Variants in TTC27 observed in about 807,000 individuals in gnomAD.
The protein encoded by TTC27 is tetratricopeptide repeat domain 27.
Under a neutral mutation model 115.9 loss-of-function variants are expected in TTC27, and 79 were observed. The observed-to-expected ratio is 0.68, with a 90% CI of 0.57 to 0.82. The LOEUF (loss-of-function observed/expected upper bound fraction) is 0.82, where lower values mean the gene tolerates loss of function less well. TTC27 is among the 40% of genes least tolerant of loss of function. TTC27 has a pLI of 0.00. For synonymous variants in TTC27, 401 were observed against 356.0 expected, an observed-to-expected ratio of 1.13 and a Z score of -1.42; for missense variants, 1,054 against 993.1, an observed-to-expected ratio of 1.06 and a Z score of -0.82.
At chr2:32,812,681 G>A in intron 18 of TTC27, 66 bp downstream of exon 18, 3 of 1,228,782 alleles carry the variant, frequency 2.4e-6, no homozygotes, top group East Asian at 2.3e-5. Context: ...AGAAAAGAGT[G>A]TTGGTCAAAA....
intron 10 of TTC27, among the ~76,000 whole-genome samples, chr2:32,712,187 C>A (rs1446018815): frequency 6.6e-6 from 1 of 152,072 alleles, no homozygotes; most frequent in Admixed American, 6.6e-5. Context: ...CTAAGTGAGA[C>A]GTGCCAAACT....
In TTC27 at chr2:32,782,712, T is replaced by C. The variant is rs766211029; in HGVS notation, c.1832+34T>C. 7.1e-6 allele frequency: 11 copies of C among 1,543,434 alleles called. No individual in the cohort carries two copies. The South Asian group carries it at 1.3e-4, about 18-fold the overall frequency. On this transcript the variant is annotated intron_variant, in intron 15 of 19. Coordinates refer to ENST00000317907, the MANE Select transcript of TTC27 (RefSeq NM_017735.5). ...ATCAGACAAATATGAAGAAATTTGC[T>C]TCCCAAATAAATGAATGAGATTTTC...
At chr2:32,712,226 A>C (rs1469522127) in intron 10 of TTC27, among the ~76,000 whole-genome samples, 1 of 152,250 alleles carries the variant, frequency 6.6e-6, no homozygotes, top group Non-Finnish European at 1.5e-5. Context: ...TCACAACTAA[A>C]GGTAAATAAA....
chr2:32,690,935 G>C (rs1304851363), intron 9 of TTC27, among the ~76,000 whole-genome samples: 7 of 152,140 alleles, frequency 4.6e-5, no homozygotes. Context: ...GGCATCGTTC[G>C]ATTTGGCTTT....
intron 15 of TTC27, among the ~76,000 whole-genome samples, chr2:32,786,220 CAA>C (rs755835164): frequency 7.9e-5 from 12 of 152,166 alleles, no homozygotes; most frequent in Non-Finnish European, 1.2e-4. Flanking sequence ...TTCCCAGGTT[CAA>C]GTGATTCTTG....
intron 16 of TTC27, among the ~76,000 whole-genome samples, chr2:32,801,685 G>C (rs10170415): frequency 0.18 from 28,031 of 151,950 alleles, 2,632 homozygotes; most frequent in Admixed American, 0.25. Context: ...CATGAAGAGG[G>C]GAGTAGATCC....
At chr2:32,778,079 A>G in intron 14 of TTC27, 99 bp downstream of exon 14, 2 of 1,137,658 alleles carry the variant, frequency 1.8e-6, no homozygotes, top group South Asian at 1.6e-5. Context: ...TTTGTGTTGG[A>G]GGAAAGTGTA....
intron 9 of TTC27, among the ~76,000 whole-genome samples, chr2:32,682,181 A>G (rs1389988161): frequency 2.6e-5 from 4 of 152,030 alleles, no homozygotes. Context: ...TGAAATATAT[A>G]TCCTACACCC....
At chr2:32,688,205 C>A (rs553232534) in intron 9 of TTC27, among the ~76,000 whole-genome samples, 2 of 152,068 alleles carry the variant, frequency 1.3e-5, no homozygotes, top group East Asian at 1.9e-4. Flanking sequence ...TGTTTGTAAA[C>A]CAAACAATTA....
intron 5 of TTC27, among the ~76,000 whole-genome samples, chr2:32,660,791 T>C (rs1665518540): frequency 6.6e-6 from 1 of 152,232 alleles, no homozygotes; most frequent in African/African-American, 2.4e-5. Flanking sequence ...CATTTGTCAA[T>C]TTTGGCTTTC....
At chr2:32,735,316 CTCTGA>C (rs140849767) in intron 11 of TTC27, among the ~76,000 whole-genome samples, 2,143 of 152,240 alleles carry the variant, frequency 0.014, 45 homozygotes, top group African/African-American at 0.047. Context: ...GTGTTTTTGA[CTCTGA>C]TCTGTGAAAT....
chr2:32,746,736 C>A (rs1237417530), intron 12 of TTC27, among the ~76,000 whole-genome samples: 1 of 151,930 alleles, frequency 6.6e-6, no homozygotes, highest in East Asian at 1.9e-4. Context: ...GTTCACTGGG[C>A]ACATCTTTTG....
intron 16 of TTC27, among the ~76,000 whole-genome samples, chr2:32,805,968 G>C (rs1336493100): frequency 6.6e-6 from 1 of 152,000 alleles, no homozygotes; most frequent in Non-Finnish European, 1.5e-5. Context: ...TTGATACTTG[G>C]TGTTTAGGTA....
At chr2:32,744,038 A>G (rs1020189956) in intron 12 of TTC27, among the ~76,000 whole-genome samples, 2 of 152,230 alleles carry the variant, frequency 1.3e-5, no homozygotes, top group African/African-American at 4.8e-5. Context: ...GAATATTCCA[A>G]AGATGACTAA....
At chr2:32,667,907 G>T (rs1427918164) in intron 7 of TTC27, among the ~76,000 whole-genome samples, 2 of 151,304 alleles carry the variant, frequency 1.3e-5, no homozygotes, top group Non-Finnish European at 2.9e-5. Flanking sequence ...TACAAAATTA[G>T]GCCAGGTGCA....
At chr2:32,738,357 G>A (rs561551411) in intron 12 of TTC27, among the ~76,000 whole-genome samples, 8 of 152,246 alleles carry the variant, frequency 5.3e-5, no homozygotes, top group African/African-American at 7.2e-5. Context: ...TGTAAAGTAC[G>A]TACTCTAGTG....
intron 13 of TTC27, among the ~76,000 whole-genome samples, chr2:32,759,968 C>T (rs1487068745): frequency 2.0e-5 from 3 of 152,224 alleles, no homozygotes; most frequent in African/African-American, 7.2e-5. Context: ...TATGTACATA[C>T]TTCCTTTTGT....
intron 12 of TTC27, among the ~76,000 whole-genome samples, chr2:32,755,443 C>T (rs572147931): frequency 2.3e-3 from 351 of 152,318 alleles, no homozygotes; most frequent in Middle Eastern, 6.8e-3. Flanking sequence ...ACCAGACAGG[C>T]GTGGCAGCGC....
intron 16 of TTC27, among the ~76,000 whole-genome samples, chr2:32,791,765 C>T (rs977835214): frequency 1.3e-5 from 2 of 152,076 alleles, no homozygotes; most frequent in Non-Finnish European, 2.9e-5. Context: ...GCCCCAGCTA[C>T]TTGTGAGGCT....
Sources: allele counts gnomAD v4.1 joint callset (sites outside exome capture counted in the v4.1 genomes callset), GRCh38; gene constraint gnomAD v4.1.1; transcripts MANE v1.5; gene names NCBI Gene and HGNC (gene_info 2026-07-23, HGNC 2026-07-21).